Variants in LRRC27 observed in about 807,000 individuals in gnomAD.
LRRC27 encodes leucine rich repeat containing 27.
LRRC27 carries 57 observed loss-of-function variants against 55.0 expected under a neutral mutation model. The ratio of observed to expected loss-of-function variants is 1.04; its 90% CI spans 0.84 to 1.29. LRRC27 has a LOEUF of 1.29. Among genes scored for constraint, LRRC27 ranks in the 50% most tolerant of loss-of-function variants. The probability of loss-of-function intolerance (pLI) is 0.00; values close to 1 mark genes in which losing one functional copy is unlikely to be tolerated. For synonymous variants in LRRC27, 278 were observed against 251.9 expected, an observed-to-expected ratio of 1.10 and a Z score of -0.98; for missense variants, 721 against 651.5, an observed-to-expected ratio of 1.11 and a Z score of -1.16.
At chr10:132,365,811 C>G (rs940167962) in intron 10 of LRRC27, among the ~76,000 whole-genome samples, 7 of 152,304 alleles carry the variant, frequency 4.6e-5, no homozygotes, top group African/African-American at 1.7e-4. Flanking sequence ...GTTGGCCAGC[C>G]TTGTCTCGAA....
chr10:132,331,595 C>G, upstream of LRRC27: 1 of 1,612,908 alleles, frequency 6.2e-7, no homozygotes, highest in Non-Finnish European at 8.5e-7. Context: ...AGGAGAGACG[C>G]GGGGAGTGAG....
chr10:132,369,960 C>T (rs1316720253), intron 10 of LRRC27, among the ~76,000 whole-genome samples: 2 of 152,142 alleles, frequency 1.3e-5, no homozygotes, highest in East Asian at 1.9e-4. Context: ...ATGCCTGCCC[C>T]AGCCACACCT....
rs757496079 is a variant in LRRC27, at chr10:132,380,447, A to G, written c.*5205A>G. ...TCCGCTTAAAACATCGTGTGGTGCT[A>G]ATCTCTGCACGAGCGGTTCATGTCT... is the stretch of plus-strand genomic sequence containing the variant. On this transcript the variant is annotated 3_prime_UTR_variant, in exon 11 of 11. Transcript: ENST00000368614. 6.6e-6 allele frequency among the ~76,000 whole-genome samples: 1 copy of G among 152,226 alleles called. No homozygotes were observed. Among genetic ancestry groups the G allele is most frequent in the Non-Finnish European group, 1.5e-5 (1 of 68,044 alleles).
rs576489220 is a variant in LRRC27, at chr10:132,343,856, C to T, written c.401-642C>T. ...CCCGTGCTCCTCATTCCGGGGACTT[C>T]GCCCTGAGCCTGGGGAGTGAGCCAG... On this transcript the variant is annotated intron_variant, in intron 4 of 10. Transcript: ENST00000368614. Among the ~76,000 whole-genome samples the T allele has an allele frequency of 1.1e-3, 164 of 152,344 alleles. 1 individual carries two copies. The highest frequency in any genetic ancestry group is 3.7e-3 in the African/African-American group (152 of 41,582).
rs760217698 is a variant in LRRC27 at position 132,351,667 on chromosome 10, G to T, written c.987G>T (p.Ala329=). 13 of 1,613,938 alleles carry T rather than the reference G, an allele frequency of 8.1e-6. No individual in the cohort carries two copies. The highest frequency in any genetic ancestry group is 1.3e-5 in the African/African-American group (1 of 74,932). Reference sequence around the variant, plus strand: ...ACCTCTTGTCACCGTACCAAATGGCGATCCGAGCAAAAAGACTGGAAGAGA... The same window carrying T: ...ACCTCTTGTCACCGTACCAAATGGCTATCCGAGCAAAAAGACTGGAAGAGA... ...LPDLLSPYQM[A]IRAKRLEESR... The change falls in exon 7 of 11, where the codon GCG becomes GCT. Residue 329 remains alanine, a synonymous_variant. Transcript: ENST00000368614.
intron 8 of LRRC27, among the ~76,000 whole-genome samples, chr10:132,360,991 C>T (rs994551085): frequency 1.3e-5 from 2 of 152,238 alleles, no homozygotes; most frequent in Non-Finnish European, 2.9e-5. Flanking sequence ...GTGCTAGCCT[C>T]CTCCTGCCTA....
upstream of LRRC27, among the ~76,000 whole-genome samples, chr10:132,331,071 C>G (rs7079161): frequency 0.36 from 54,201 of 150,394 alleles, 9,966 homozygotes; most frequent in Non-Finnish European, 0.4. Flanking sequence ...CGTGGTGGCG[C>G]GCGCCTGTAG....
intron 10 of LRRC27, among the ~76,000 whole-genome samples, chr10:132,373,389 G>C (rs999801686): frequency 2.6e-5 from 4 of 152,118 alleles, no homozygotes; most frequent in African/African-American, 9.7e-5. Flanking sequence ...TGCTAGAAGG[G>C]CCCACACATG....
In LRRC27 at chr10:132,380,562, G is replaced by C. The variant is rs1161748187; in HGVS notation, c.*5320G>C. Among the ~76,000 whole-genome samples, 1 of 152,174 alleles carries C rather than the reference G, an allele frequency of 6.6e-6. No homozygotes were observed. The highest frequency in any genetic ancestry group is 2.4e-5 in the African/African-American group (1 of 41,436). ...CAGTCCCAGCTACTCAGGAGGCTGA[G>C]GCAGGAGGATCCCTTGAGCCCAGGA... On this transcript the variant is annotated 3_prime_UTR_variant, in exon 11 of 11. Transcript: ENST00000368614.
At chr10:132,359,334 A>T (rs1251889089) in intron 8 of LRRC27, among the ~76,000 whole-genome samples, 1 of 152,192 alleles carries the variant, frequency 6.6e-6, no homozygotes, top group Non-Finnish European at 1.5e-5. Flanking sequence ...GTATCTGTGT[A>T]TTTCAGTATT....
intron 10 of LRRC27, chr10:132,366,754 T>A: frequency 9.8e-7 from 1 of 1,023,000 alleles, no homozygotes; most frequent in South Asian, 1.7e-5. Context: ...CGCAGCACTG[T>A]CACGGGGGAG....
rs371885527 is a variant in LRRC27 at position 132,352,925 on chromosome 10, C to T, written c.1073+1172C>T. 1.4e-5 allele frequency: 22 copies of T among 1,613,756 alleles called. No individual in the cohort carries two copies. In the African/African-American group the frequency reaches 1.7e-4, roughly 13 times the overall value. On this transcript the variant is annotated intron_variant, in intron 7 of 10. Transcript: ENST00000368614. ...CCCTAGAGTATTCCAGGCCCTGACA[C>T]GGTCATCAGGGAGGTTCATTCTTGT... is the stretch of plus-strand genomic sequence containing the variant.
intron 7 of LRRC27, among the ~76,000 whole-genome samples, chr10:132,352,384 C>T (rs1216132294): frequency 9.3e-6 from 1 of 107,176 alleles, no homozygotes; most frequent in Non-Finnish European, 1.9e-5. Flanking sequence ...CAGGGCGTTG[C>T]GTGCATGGGC....
chr10:132,341,791 C>T (rs1321808040), intron 3 of LRRC27, among the ~76,000 whole-genome samples: 4 of 152,200 alleles, frequency 2.6e-5, no homozygotes, highest in African/African-American at 9.6e-5. Flanking sequence ...TTAGGAAAGA[C>T]TGGTTTACAG....
At chr10:132,340,467 G>A (rs1179920901) in intron 3 of LRRC27, among the ~76,000 whole-genome samples, 3 of 152,118 alleles carry the variant, frequency 2.0e-5, no homozygotes, top group South Asian at 2.1e-4. Flanking sequence ...AGCCGAGAGC[G>A]TGGTGCTGCT....
rs1359779560 is a variant in LRRC27 at position 132,362,907 on chromosome 10, T to C, written c.1289+1332T>C. ...GGGTCCGGGGTTCACCCCTCTCACC[T>C]CGCAGCAGCTCAGGAGTATGGGGTT... On this transcript the variant is annotated intron_variant, in intron 9 of 10. Transcript: ENST00000368614. Among the ~76,000 whole-genome samples the C allele has an allele frequency of 2.7e-5, 3 of 110,944 alleles. 1 individual carries two copies. The highest frequency in any genetic ancestry group is 5.5e-5 in the Non-Finnish European group (3 of 54,214). The allele number at this position is 110,944 out of a possible 152,430, so 72.8% of individuals were successfully genotyped here.
chr10:132,364,224 T>C (rs2133060963), intron 9 of LRRC27, among the ~76,000 whole-genome samples: 1 of 152,076 alleles, frequency 6.6e-6, no homozygotes, highest in South Asian at 2.1e-4. Context: ...CAAACCCTGC[T>C]GCTGGGAGTA....
rs2068622310 is a variant in LRRC27, at chr10:132,361,695, G to A, written c.1289+120G>A. On this transcript the variant is annotated intron_variant, in intron 9 of 10. Coordinates refer to ENST00000368614, the MANE Select transcript of LRRC27 (RefSeq NM_030626.3). ...GCCCTGAAACTCCAGGCTGTGGCGG[G>A]CCCCAGGCTGTGGCGGGCTCCAGGC... The A allele has an allele frequency of 1.1e-5, 8 of 753,976 alleles. No individual in the cohort carries two copies. In the East Asian group the frequency reaches 1.8e-4, roughly 17 times the overall value. The allele number at this position is 753,976 out of a possible 1,614,324, so 46.7% of individuals were successfully genotyped here. A position where few individuals can be genotyped will look rare whatever the true frequency, so the allele number is the denominator to read the frequency against.
intron 4 of LRRC27, among the ~76,000 whole-genome samples, chr10:132,342,777 C>A (rs954474250): frequency 6.6e-6 from 1 of 152,114 alleles, no homozygotes; most frequent in South Asian, 2.1e-4. Flanking sequence ...ATAAATTTGT[C>A]GGACTAGTAG....
Sources: allele counts gnomAD v4.1 joint callset (sites outside exome capture counted in the v4.1 genomes callset), GRCh38; gene constraint gnomAD v4.1.1; transcripts MANE v1.5; gene names NCBI Gene and HGNC (gene_info 2026-07-23, HGNC 2026-07-21).